ADK: variants seen among roughly 807,000 people sequenced by gnomAD.
ADK encodes adenosine kinase, also known as N6,N6-dimethyladenosine kinase.
In ADK, 24 loss-of-function variants were observed where a neutral mutation model predicts 44.7. The observed-to-expected ratio is 0.54, with a 90% CI of 0.39 to 0.76. ADK has a LOEUF of 0.76. Among genes scored for constraint, ADK ranks in the 30% least tolerant of loss-of-function variants. ADK has a pLI of 0.00. For synonymous variants in ADK, 128 were observed against 142.6 expected (o/e 0.90, Z 0.73); for missense variants, 321 against 425.1 (o/e 0.76, Z 2.15).
chr10:74,277,648 C>T (rs1206917341), intron 3 of ADK, among the ~76,000 whole-genome samples: 1 of 152,140 alleles, frequency 6.6e-6, no homozygotes, highest in Non-Finnish European at 1.5e-5. Context: ...ATCCACCTGC[C>T]TCGGCCTCCC....
At chr10:74,686,564 A>G (rs941780438) in intron 10 of ADK, among the ~76,000 whole-genome samples, 1 of 152,202 alleles carries the variant, frequency 6.6e-6, no homozygotes, top group African/African-American at 2.4e-5. Flanking sequence ...ATTGTGAGAC[A>G]ATAAATTTCT....
At chr10:74,624,026 G>A (rs961784400) in intron 9 of ADK, among the ~76,000 whole-genome samples, 1 of 152,082 alleles carries the variant, frequency 6.6e-6, no homozygotes, top group African/African-American at 2.4e-5. Flanking sequence ...AAAATCTTTG[G>A]AAGTATAGCT....
chr10:74,268,483 A>C (rs1451027564), intron 3 of ADK, among the ~76,000 whole-genome samples: 1 of 152,250 alleles, frequency 6.6e-6, no homozygotes, highest in East Asian at 1.9e-4. Context: ...CCTCACTGGC[A>C]AAATTGTTGA....
At chr10:74,262,724 C>T (rs1295186178) in intron 3 of ADK, among the ~76,000 whole-genome samples, 1 of 152,102 alleles carries the variant, frequency 6.6e-6, no homozygotes, top group East Asian at 1.9e-4. Context: ...ACTGTACTTG[C>T]TGTCATGGGA....
intron 3 of ADK, among the ~76,000 whole-genome samples, chr10:74,303,588 G>GTTTTTTTTTTTTGTTTTTTTTTTTT (rs1840141891): frequency 4.4e-5 from 3 of 68,578 alleles, no homozygotes; most frequent in African/African-American, 2.4e-4. Flanking sequence ...TTTTAATGTT[G>GTTTTTTTTTTTTGTTTTTTTTTTTT]TTTTTTTTTT....
intron 4 of ADK, among the ~76,000 whole-genome samples, chr10:74,356,010 T>TG (rs1564672627): frequency 3.1e-5 from 4 of 128,770 alleles, no homozygotes; most frequent in East Asian, 2.2e-4. Flanking sequence ...TCATTTTTTT[T>TG]TTTTTTTTTT....
chr10:74,561,903 A>G (rs1230942021), intron 7 of ADK, among the ~76,000 whole-genome samples: 1 of 152,174 alleles, frequency 6.6e-6, no homozygotes, highest in Non-Finnish European at 1.5e-5. Context: ...AATTTTCTAT[A>G]ATGGATTCCT....
intron 9 of ADK, among the ~76,000 whole-genome samples, chr10:74,602,305 A>G (rs574435689): frequency 2.0e-5 from 3 of 152,290 alleles, no homozygotes; most frequent in Admixed American, 1.3e-4. Flanking sequence ...TTCCTATAGT[A>G]TAAGGATTAT....
At chr10:74,532,720 G>A (rs1361961093) in intron 7 of ADK, among the ~76,000 whole-genome samples, 2 of 151,650 alleles carry the variant, frequency 1.3e-5, no homozygotes. Context: ...GGCCAACATG[G>A]CAAAACCGCG....
At chr10:74,223,719 G>A (rs768017466) in intron 2 of ADK, among the ~76,000 whole-genome samples, 8 of 152,074 alleles carry the variant, frequency 5.3e-5, no homozygotes, top group African/African-American at 9.7e-5. Flanking sequence ...TGTATTTTAT[G>A]ACCAGAGAAA....
chr10:74,679,575 CT>C (rs556819059), intron 10 of ADK, among the ~76,000 whole-genome samples: 70 of 145,624 alleles, frequency 4.8e-4, no homozygotes, highest in East Asian at 3.2e-3. Context: ...ATTATTTGGC[CT>C]TTTTTTTTTA....
intron 1 of ADK, among the ~76,000 whole-genome samples, chr10:74,177,145 G>A (rs1276871250): frequency 6.6e-6 from 1 of 152,144 alleles, no homozygotes; most frequent in African/African-American, 2.4e-5. Flanking sequence ...GGTTGCAAGC[G>A]TTCTTGGGTG....
At chr10:74,236,695 CTATCACAATAAAGTGAA>C (rs1395876270) in intron 3 of ADK, among the ~76,000 whole-genome samples, 1 of 152,064 alleles carries the variant, frequency 6.6e-6, no homozygotes, top group Admixed American at 6.6e-5. Flanking sequence ...TGGTTCTAGA[CTATCACAATAAAGTGAA>C]TATCACAATA....
chr10:74,368,793 A>T (rs371889738), intron 4 of ADK, among the ~76,000 whole-genome samples: 4 of 152,098 alleles, frequency 2.6e-5, no homozygotes, highest in African/African-American at 9.6e-5. Context: ...ACCACACCCA[A>T]CTAATTATAT....
intron 3 of ADK, among the ~76,000 whole-genome samples, chr10:74,229,391 C>CTTTTT (rs371346131): frequency 8.2e-5 from 8 of 97,230 alleles, no homozygotes; most frequent in African/African-American, 1.7e-4. Context: ...ATCTGGTATG[C>CTTTTT]TTTTTTTTTT....
At chr10:74,591,361 A>T (rs1362234920) in intron 8 of ADK, among the ~76,000 whole-genome samples, 1 of 152,150 alleles carries the variant, frequency 6.6e-6, no homozygotes, top group Non-Finnish European at 1.5e-5. Context: ...TCTGTCAGTG[A>T]TATTGACAGT....
At chr10:74,608,384 C>G (rs2133986486) in intron 9 of ADK, among the ~76,000 whole-genome samples, 1 of 152,202 alleles carries the variant, frequency 6.6e-6, no homozygotes, top group African/African-American at 2.4e-5. Flanking sequence ...TACCTTTGGT[C>G]TTTGATGCTG....
At chr10:74,588,717 A>G (rs1188110622) in intron 7 of ADK, among the ~76,000 whole-genome samples, 1 of 152,164 alleles carries the variant, frequency 6.6e-6, no homozygotes, top group Non-Finnish European at 1.5e-5. Flanking sequence ...TGATCCTTCC[A>G]TTATAAAGTT....
At chr10:74,452,236 G>A (rs539414210) in intron 6 of ADK, among the ~76,000 whole-genome samples, 26 of 151,676 alleles carry the variant, frequency 1.7e-4, no homozygotes, top group African/African-American at 5.1e-4. Flanking sequence ...ATCTAAACTC[G>A]GATTATTTCA....
Sources: allele counts gnomAD v4.1 joint callset (sites outside exome capture counted in the v4.1 genomes callset), GRCh38; gene constraint gnomAD v4.1.1; transcripts MANE v1.5; gene names NCBI Gene and HGNC (gene_info 2026-07-23, HGNC 2026-07-21).